The following NMT1 variants were observed in gnomAD, a reference collection of about 807,000 sequenced individuals.
NMT1 encodes the protein glycylpeptide N-tetradecanoyltransferase 1.
A neutral mutation model predicts 63.4 loss-of-function variants in NMT1; 12 were observed. That is an observed-to-expected ratio of 0.19 (90% CI 0.12 to 0.31). The LOEUF (loss-of-function observed/expected upper bound fraction) is 0.31, where lower values mean the gene tolerates loss of function less well. Among genes scored for constraint, NMT1 ranks in the 10% least tolerant of loss-of-function variants. The pLI is 1.00. For synonymous variants in NMT1, 228 were observed against 234.3 expected (o/e 0.97, Z 0.25); for missense variants, 432 against 634.6 (o/e 0.68, Z 3.43).
At position 45,104,912 on chromosome 17, in the gene NMT1, G is replaced by A. The variant is rs372878120; in HGVS notation, c.1386G>A (p.Leu462=). 6.8e-6 allele frequency: 11 copies of A among 1,614,048 alleles called. No homozygotes were observed. The highest frequency in any genetic ancestry group is 8.5e-6 in the Non-Finnish European group (10 of 1,180,036). Residue 462 remains leucine (L), a synonymous_variant, in exon 11 of 12, where the codon CTG becomes CTA. Transcript: ENST00000258960. The surrounding 1 kb of genome is among the most constrained non-coding windows in gnomAD (Gnocchi z 4.2). ...ATCTCATGGAGAACAAAACCTTCCT[G>A]GAGAAGCTCAAGTTTGGCATAGGGG... ...ALDLMENKTF[L]EKLKFGIGDG...
chr17:45,096,398 G>A lies in NMT1; in HGVS notation c.596+113G>A, dbSNP rs1567870389. ...GGGCCAACCTTTGAATGGCAAATTA[G>A]TGTGTCATTTTTGAGTTCCTGCATC... On this transcript the variant is annotated intron_variant, in intron 5 of 11. Transcript: ENST00000258960. 1.7e-5 allele frequency: 14 copies of A among 802,504 alleles called. No homozygotes were observed. In the South Asian group the frequency reaches 1.8e-4, roughly 11 times the overall value. 49.7% of individuals were successfully genotyped at this position (802,504 alleles called of 1,614,324 possible).
At chr17:45,086,998 T>TAAA (rs34544143) in intron 3 of NMT1, among the ~76,000 whole-genome samples, 5 of 143,236 alleles carry the variant, frequency 3.5e-5, no homozygotes, top group South Asian at 2.2e-4. Context: ...CCACAAAAAG[T>TAAA]AAAAAAAAAA....
intron 1 of NMT1, among the ~76,000 whole-genome samples, chr17:45,064,899 T>C (rs1005419583): frequency 9.9e-5 from 15 of 152,154 alleles, no homozygotes; most frequent in African/African-American, 3.6e-4. Context: ...CTCAGAGTTG[T>C]AGGGATTAAT....
chr17:45,076,260 G>A (rs1200798644), intron 1 of NMT1, among the ~76,000 whole-genome samples: 2 of 151,996 alleles, frequency 1.3e-5, no homozygotes, highest in Non-Finnish European at 2.9e-5. Flanking sequence ...TCTGAGCTTG[G>A]TTCCCTATGA....
chr17:45,084,820 C>T (rs767411938), intron 2 of NMT1, among the ~76,000 whole-genome samples: 1 of 152,054 alleles, frequency 6.6e-6, no homozygotes, highest in Non-Finnish European at 1.5e-5. Context: ...ATACACTGTT[C>T]GTTGGATTAC....
chr17:45,098,316 G>A (rs2054139389), intron 6 of NMT1, 66 bp from the exon 7 acceptor site: 2 of 1,516,508 alleles, frequency 1.3e-6, no homozygotes, highest in Non-Finnish European at 1.8e-6. Context: ...GGCTGCACGT[G>A]CTTGATGGGA....
chr17:45,084,104 A>G (rs2054034848), intron 2 of NMT1, among the ~76,000 whole-genome samples: 1 of 152,254 alleles, frequency 6.6e-6, no homozygotes, highest in Non-Finnish European at 1.5e-5. Context: ...CCCAGAAGCC[A>G]TAAAACAGAA....
chr17:45,084,933 A>G (rs1015179211), intron 2 of NMT1, among the ~76,000 whole-genome samples: 2 of 152,088 alleles, frequency 1.3e-5, no homozygotes, highest in Admixed American at 1.3e-4. Flanking sequence ...ACAGAAATAT[A>G]TATCCCAGTG....
chr17:45,098,574 G>T (rs924255559), intron 7 of NMT1, 22 bp downstream of exon 7: 2 of 1,610,704 alleles, frequency 1.2e-6, no homozygotes, highest in Middle Eastern at 1.8e-4. Context: ...TTCCTGTAAG[G>T]CCCCAAAAAT....
intron 8 of NMT1, among the ~76,000 whole-genome samples, chr17:45,100,080 A>G (rs1326578103): frequency 6.6e-6 from 1 of 151,924 alleles, no homozygotes; most frequent in Admixed American, 6.6e-5. Flanking sequence ...GGCTGGCTTC[A>G]GGTAGGGATT....
chr17:45,070,250 T>C (rs2053931150), intron 1 of NMT1, among the ~76,000 whole-genome samples: 1 of 146,548 alleles, frequency 6.8e-6, no homozygotes, highest in Non-Finnish European at 1.5e-5. Context: ...CCAGGGTACC[T>C]TTTTTTGTGT....
At chr17:45,093,612 T>G in intron 3 of NMT1, 73 bp from the exon 4 acceptor site, 49 of 1,252,974 alleles carry the variant, frequency 3.9e-5, no homozygotes, top group East Asian at 4.7e-5. Flanking sequence ...TTGCTCTGGT[T>G]GAGTTTTGAA....
In NMT1 at chr17:45,086,611, G is replaced by T. The variant is rs377156745; in HGVS notation, c.344G>T (p.Arg115Leu). The T allele has an allele frequency of 4.3e-6, 7 of 1,613,374 alleles. No homozygotes were observed. Among genetic ancestry groups the T allele is most frequent in the Non-Finnish European group, 5.9e-6 (7 of 1,179,702 alleles). ...AAAACCATGGAGGAGGCTAGCAAGCGAAGCTACCAGTTCTGGGATACGCAG... is the reference window on the plus strand; with the variant it reads ...AAAACCATGGAGGAGGCTAGCAAGCTAAGCTACCAGTTCTGGGATACGCAG... ...PAKTMEEASKRSYQFWDTQPV... is the reference protein window; with the variant it reads ...PAKTMEEASKLSYQFWDTQPV... Residue 115 changes from arginine (R) to leucine (L), a missense_variant, in exon 3 of 12, where the codon CGA (arginine) becomes CTA (leucine). Physicochemically the swap from Arg to Leu is moderately radical, Grantham distance 102. This residue lies in a region of NMT1 where 295 missense variants were observed against 489.7 expected (regional missense o/e 0.60). Coordinates refer to ENST00000258960, the MANE Select transcript of NMT1 (RefSeq NM_021079.5).
chr17:45,084,884 A>G (rs2054042140), intron 2 of NMT1, among the ~76,000 whole-genome samples: 2 of 152,098 alleles, frequency 1.3e-5, no homozygotes, highest in African/African-American at 4.8e-5. Context: ...AAAAGTGCAT[A>G]CCTTTTGACC....
chr17:45,076,565 C>G (rs370157392), intron 1 of NMT1, among the ~76,000 whole-genome samples: 204 of 151,692 alleles, frequency 1.3e-3, no homozygotes, highest in African/African-American at 4.4e-3. Context: ...GACTGACCAA[C>G]TTGGTGAGAC....
intron 4 of NMT1, among the ~76,000 whole-genome samples, chr17:45,095,863 G>A (rs922875969): frequency 1.3e-5 from 2 of 152,198 alleles, no homozygotes; most frequent in African/African-American, 4.8e-5. Context: ...GTAATTCCTT[G>A]ACTAGCTTCG....
intron 1 of NMT1, among the ~76,000 whole-genome samples, chr17:45,074,176 A>G (rs1260491811): frequency 1.3e-5 from 2 of 151,492 alleles, no homozygotes; most frequent in African/African-American, 2.4e-5. Flanking sequence ...GATGTCTTAC[A>G]TCTTTGAACT....
intron 6 of NMT1, among the ~76,000 whole-genome samples, chr17:45,098,117 C>T (rs902870411): frequency 2.6e-5 from 4 of 152,204 alleles, no homozygotes; most frequent in African/African-American, 9.7e-5. Context: ...CTCCTAGGGA[C>T]TCATCAGGGA....
Position 45,067,979 on chromosome 17 carries a change from A to G in NMT1, c.131+6519A>G, listed in dbSNP as rs537192967. ...TAAGTTGGCAGTTAACCCTTTCCCT[A>G]TAGAGCCCATAGATTTATGAGCCAT... is the stretch of plus-strand genomic sequence containing the variant. On this transcript the variant is annotated intron_variant, in intron 1 of 11. Coordinates refer to ENST00000258960, the MANE Select transcript of NMT1 (RefSeq NM_021079.5). 1.3e-4 allele frequency among the ~76,000 whole-genome samples: 20 copies of G among 152,316 alleles called. No individual in the cohort carries two copies. In the South Asian group the frequency reaches 1.7e-3, roughly 13 times the overall value.
Sources: allele counts gnomAD v4.1 joint callset (sites outside exome capture counted in the v4.1 genomes callset), GRCh38; gene constraint gnomAD v4.1.1; regional missense constraint gnomAD v4.1.1; non-coding constraint Gnocchi (gnomAD v3.1); transcripts MANE v1.5; gene names NCBI Gene and HGNC (gene_info 2026-07-23, HGNC 2026-07-21).